SLC9A1: variants seen among roughly 807,000 people sequenced by gnomAD.
The protein encoded by SLC9A1 is sodium/hydrogen exchanger 1.
SLC9A1 carries 22 observed loss-of-function variants against 67.9 expected under a neutral mutation model. The ratio of observed to expected loss-of-function variants is 0.32; its 90% CI spans 0.23 to 0.46. SLC9A1 has a LOEUF of 0.46. SLC9A1 is among the 20% of genes least tolerant of loss of function. SLC9A1 has a pLI of 1.00. For synonymous variants in SLC9A1, 421 were observed against 471.8 expected (o/e 0.89, Z 1.40); for missense variants, 686 against 1,094.8 (o/e 0.63, Z 5.27).
At chr1:27,104,479 C>G (rs1162046856) in intron 5 of SLC9A1, among the ~76,000 whole-genome samples, 1 of 152,200 alleles carries the variant, frequency 6.6e-6, no homozygotes, top group East Asian at 1.9e-4. Context: ...CCTCAATCTC[C>G]TGGGCTCAAG....
intron 1 of SLC9A1, among the ~76,000 whole-genome samples, chr1:27,152,813 G>A (rs1376213486): frequency 6.6e-6 from 1 of 152,118 alleles, no homozygotes; most frequent in African/African-American, 2.4e-5. Context: ...ACACCAGCCC[G>A]GCAGCACCGC....
In SLC9A1 at chr1:27,103,247, G is replaced by A; in HGVS notation, c.1551C>T (p.Ser517=). Reference sequence around the variant, plus strand: ...CCTGTGTGTGGATCTCTTCGTTGATGGAGCGCTTCGTCTCTTGCTTTTTCT... The same window carrying A: ...CCTGTGTGTGGATCTCTTCGTTGATAGAGCGCTTCGTCTCTTGCTTTTTCT... ...AVKKKQETKR[S]INEEIHTQFL... The change falls in exon 6 of 12, where the codon TCC becomes TCT. Residue 517 remains serine, a synonymous_variant. Coordinates refer to ENST00000263980, the MANE Select transcript of SLC9A1 (RefSeq NM_003047.5). 1.2e-6 allele frequency: 2 copies of A among 1,608,134 alleles called. No homozygotes were observed. Among genetic ancestry groups the A allele is most frequent in the Middle Eastern group, 1.7e-4 (1 of 6,042 alleles).
chr1:27,132,590 T>G (rs2083393316), intron 1 of SLC9A1, among the ~76,000 whole-genome samples: 1 of 152,076 alleles, frequency 6.6e-6, no homozygotes. Flanking sequence ...CCACTCAAAA[T>G]GATGAAGGCA....
intron 2 of SLC9A1, among the ~76,000 whole-genome samples, chr1:27,111,697 C>A (rs1288130000): frequency 4.6e-5 from 7 of 152,100 alleles, no homozygotes; most frequent in Non-Finnish European, 1.0e-4. Flanking sequence ...GCAGTCCCAG[C>A]TACTTGGGAG....
Position 27,114,250 on chromosome 1 carries a change from G to A in SLC9A1, c.389C>T (p.Pro130Leu), listed in dbSNP as rs1262242033. The A allele has an allele frequency of 3.7e-6, 6 of 1,613,524 alleles. No individual in the cohort carries two copies. Among genetic ancestry groups the A allele is most frequent in the Non-Finnish European group, 5.1e-6 (6 of 1,179,500 alleles). ...HVIPTISSIV[P>L]ESCLLIVVGL... The stretch of plus-strand genomic sequence containing the variant: ...CACCACGATCAGCAGGCAGCTCTCC[G>A]GGACGATGCTTGAGATAGTGGGGAT... Residue 130 changes from proline (P) to leucine (L), a missense_variant, in exon 2 of 12, where the codon CCG (proline) becomes CTG (leucine). Physicochemically the swap from Pro to Leu is moderately conservative, Grantham distance 98 (BLOSUM62 -3). Coordinates refer to ENST00000263980, the MANE Select transcript of SLC9A1 (RefSeq NM_003047.5). This position sits in a 1 kb window ranked among gnomAD's most constrained non-coding sequence, Gnocchi z 5.4.
chr1:27,147,486 A>G (rs1258144528), intron 1 of SLC9A1, among the ~76,000 whole-genome samples: 1 of 150,492 alleles, frequency 6.6e-6, no homozygotes, highest in Non-Finnish European at 1.5e-5. Context: ...GTGAGACTCC[A>G]TCTCAAAAAA....
chr1:27,147,849 C>T, intron 1 of SLC9A1, among the ~76,000 whole-genome samples: 1 of 151,898 alleles, frequency 6.6e-6, no homozygotes, highest in East Asian at 1.9e-4. Context: ...ACAAAATTAG[C>T]CAGGTGTGGT....
chr1:27,119,019 T>C (rs2083289203), intron 1 of SLC9A1, among the ~76,000 whole-genome samples: 1 of 149,696 alleles, frequency 6.7e-6, no homozygotes, highest in East Asian at 2.0e-4. Context: ...TCATTCTATC[T>C]AGTGTAGGTG....
chr1:27,125,070 A>G (rs994108669), intron 1 of SLC9A1, among the ~76,000 whole-genome samples: 2 of 151,680 alleles, frequency 1.3e-5, no homozygotes, highest in East Asian at 3.9e-4. Context: ...CTGACATCCA[A>G]TCCATCACCA....
chr1:27,102,347 T>C, intron 8 of SLC9A1, 38 bp downstream of exon 8: 1 of 1,559,682 alleles, frequency 6.4e-7, no homozygotes, highest in Non-Finnish European at 8.7e-7. Context: ...GGGGCCGGTG[T>C]GTGGGAGCAG....
At position 27,109,474 on chromosome 1, in the gene SLC9A1, G is replaced by T; in HGVS notation, c.1064+53C>A. 6.3e-7 allele frequency: 1 copy of T among 1,589,688 alleles called. No homozygotes were observed. Among genetic ancestry groups the T allele is most frequent in the Non-Finnish European group, 8.6e-7 (1 of 1,169,208 alleles). Reference sequence around the variant, plus strand: ...CTACGAGCCTGGGGAATCCAAGCTGGCAGCCCCCGCCCCCACCCCGCCAAG... The same window carrying T: ...CTACGAGCCTGGGGAATCCAAGCTGTCAGCCCCCGCCCCCACCCCGCCAAG... On this transcript the variant is annotated intron_variant, in intron 3 of 11. Coordinates refer to ENST00000263980, the MANE Select transcript of SLC9A1 (RefSeq NM_003047.5). The surrounding 1 kb of genome is among the most constrained non-coding windows in gnomAD (Gnocchi z 5.5).
chr1:27,102,562 G>A lies in SLC9A1; in HGVS notation c.1647-4C>T, dbSNP rs1446892807. 1.2e-6 allele frequency: 2 copies of A among 1,608,658 alleles called. No individual in the cohort carries two copies. The highest frequency in any genetic ancestry group is 2.2e-5 in the South Asian group (2 of 91,022). On this transcript the variant is annotated splice_polypyrimidine_tract_variant and splice_region_variant and intron_variant, in intron 7 of 11. Coordinates refer to ENST00000263980, the MANE Select transcript of SLC9A1 (RefSeq NM_003047.5). ...TTTCTTATTAAACCGGTTGAGCCTG[G>A]TGGGAGGAGGAGGGAGACGGATGGC...
intron 1 of SLC9A1, among the ~76,000 whole-genome samples, chr1:27,131,870 T>C (rs1375540933): frequency 7.0e-6 from 1 of 142,804 alleles, no homozygotes; most frequent in Non-Finnish European, 1.5e-5. Flanking sequence ...GCAGTGAGCA[T>C]AGACGGCACC....
chr1:27,102,918 C>T, intron 6 of SLC9A1, 175 bp from the exon 7 acceptor site: 1 of 641,948 alleles, frequency 1.6e-6, no homozygotes, highest in South Asian at 1.8e-5. Flanking sequence ...GCGGCCCTGA[C>T]TCTGGGTATC....
chr1:27,100,270 T>G lies in SLC9A1; in HGVS notation c.*37A>C. ...AGCAGCCCCTGCTCTGGTGGAAGAGTCTGTGAGGGGACAGGCGCTGCCTGC... is the reference window on the plus strand; with the variant it reads ...AGCAGCCCCTGCTCTGGTGGAAGAGGCTGTGAGGGGACAGGCGCTGCCTGC... On this transcript the variant is annotated 3_prime_UTR_variant, in exon 12 of 12. Coordinates refer to ENST00000263980, the MANE Select transcript of SLC9A1 (RefSeq NM_003047.5). This position sits in a 1 kb window ranked among gnomAD's most constrained non-coding sequence, Gnocchi z 5.6. 2 of 1,446,406 alleles carry G rather than the reference T, an allele frequency of 1.4e-6. No individual in the cohort carries two copies. The highest frequency in any genetic ancestry group is 2.4e-5 in the East Asian group (1 of 42,286). 89.6% of individuals were successfully genotyped at this position (1,446,406 alleles called of 1,614,324 possible). A position where few individuals can be genotyped will look rare whatever the true frequency, so the allele number is the denominator to read the frequency against.
In SLC9A1 at chr1:27,100,656, G is replaced by C; in HGVS notation, c.2111-12C>G. ...ATAGGCCAGTGGGTCTGGGGACCAA[G>C]AGCAAGGCACAAGCTGGGTTCCGCT... On this transcript the variant is annotated splice_polypyrimidine_tract_variant and intron_variant, in intron 11 of 11. Transcript: ENST00000263980. The surrounding 1 kb of genome is among the most constrained non-coding windows in gnomAD (Gnocchi z 5.6). 1 of 1,589,834 alleles carries C rather than the reference G, an allele frequency of 6.3e-7. No individual in the cohort carries two copies. The highest frequency in any genetic ancestry group is 8.6e-7 in the Non-Finnish European group (1 of 1,167,248).
In SLC9A1 at chr1:27,100,510, C is replaced by A; in HGVS notation, c.2245G>T (p.Ala749Ser). ...TCCTCGTCCTCCTCAGCCACCTTTG[C>A]AGGATCCCGGCTCAACCCTAAGACT... ...GKVLGLSRDP[A>S]KVAEEDEDDD... is the part of the protein sequence containing the mutation. Residue 749 changes from alanine to serine, a missense_variant, in exon 12 of 12, where the codon GCA (alanine) becomes TCA (serine). Physicochemically the swap from Ala to Ser is moderately conservative, Grantham distance 99 (BLOSUM62 1). This residue lies in a region of SLC9A1 where 226 missense variants were observed against 282.4 expected (regional missense o/e 0.80). Transcript: ENST00000263980. The surrounding 1 kb of genome is among the most constrained non-coding windows in gnomAD (Gnocchi z 5.6). The A allele has an allele frequency of 6.2e-7, 1 of 1,614,172 alleles. No homozygotes were observed. Among genetic ancestry groups the A allele is most frequent in the Non-Finnish European group, 8.5e-7 (1 of 1,180,000 alleles).
At chr1:27,151,320 T>C (rs2083525821) in intron 1 of SLC9A1, among the ~76,000 whole-genome samples, 1 of 152,230 alleles carries the variant, frequency 6.6e-6, no homozygotes, top group Non-Finnish European at 1.5e-5. Context: ...ATCACATTAA[T>C]AGCACTATAA....
At chr1:27,105,842 G>A (rs751769617) in intron 5 of SLC9A1, 43 bp downstream of exon 5, 2 of 1,530,940 alleles carry the variant, frequency 1.3e-6, no homozygotes, top group East Asian at 4.5e-5. Flanking sequence ...AACAGCCTGT[G>A]AGGGTCCCCA....
Sources: gnomAD v4.1 joint callset for allele counts (sites outside exome capture counted in the v4.1 genomes callset) on GRCh38, gnomAD v4.1.1 for gene constraint, gnomAD v4.1.1 regional missense constraint, Gnocchi (gnomAD v3.1) non-coding constraint, MANE v1.5 for transcripts, NCBI Gene and HGNC (gene_info 2026-07-23, HGNC 2026-07-21) for gene names.